The following TMEM217B variants were observed in gnomAD, a reference collection of about 807,000 sequenced individuals.
TMEM217B encodes putative transmembrane protein 217B.
chr6:37,216,239 C>T, the TMEM217B span, among the ~76,000 whole-genome samples: 17 of 152,080 alleles, frequency 1.1e-4, no homozygotes, highest in African/African-American at 2.2e-4. Flanking sequence ...CCACTATACC[C>T]GCCTAATTTT....
At chr6:37,224,090 C>CCAT in the TMEM217B span, among the ~76,000 whole-genome samples, 4 of 151,730 alleles carry the variant, frequency 2.6e-5, no homozygotes, top group Non-Finnish European at 5.9e-5. Flanking sequence ...GCGCCCACCA[C>CCAT]CATGCCTGGC....
the TMEM217B span, among the ~76,000 whole-genome samples, chr6:37,245,679 TAAGG>T: frequency 7.3e-5 from 11 of 151,192 alleles, no homozygotes; most frequent in Non-Finnish European, 2.9e-5. Flanking sequence ...ACAGTGACAA[TAAGG>T]AAGAGGAGGA....
chr6:37,218,782 C>G, the TMEM217B span: 1 of 1,614,094 alleles, frequency 6.2e-7, no homozygotes, highest in Non-Finnish European at 8.5e-7. Flanking sequence ...ACACTGAGTA[C>G]AGGAGGAAGC....
At chr6:37,256,413 T>A in the TMEM217B span, among the ~76,000 whole-genome samples, 1 of 152,334 alleles carries the variant, frequency 6.6e-6, no homozygotes, top group Non-Finnish European at 1.5e-5. Context: ...TGTGCAGTGC[T>A]GGTCACTGCA....
the TMEM217B span, chr6:37,218,554 C>T: frequency 6.2e-6 from 10 of 1,614,134 alleles, no homozygotes; most frequent in South Asian, 8.8e-5. Context: ...TTATATTGCC[C>T]TGGCTCCGGT....
chr6:37,252,274 A>G, the TMEM217B span, among the ~76,000 whole-genome samples: 2 of 152,190 alleles, frequency 1.3e-5, no homozygotes, highest in African/African-American at 2.4e-5. Flanking sequence ...TCAAATTTCA[A>G]TGTGGATAAA....
At chr6:37,220,433 G>A in the TMEM217B span, among the ~76,000 whole-genome samples, 1 of 152,132 alleles carries the variant, frequency 6.6e-6, no homozygotes, top group Non-Finnish European at 1.5e-5. Context: ...TGAATCAGAA[G>A]TAAACCTCCC....
At chr6:37,218,070 A>G in the TMEM217B span, 4 of 1,005,622 alleles carry the variant, frequency 4.0e-6, no homozygotes, top group South Asian at 4.4e-5. Context: ...GTGGGGGGAA[A>G]AAAGGAAATA....
At chr6:37,220,916 T>C in the TMEM217B span, among the ~76,000 whole-genome samples, 5 of 152,090 alleles carry the variant, frequency 3.3e-5, no homozygotes, top group Admixed American at 6.5e-5. Flanking sequence ...TATTATAGTA[T>C]AATTCATGCA....
At chr6:37,253,347 G>A in the TMEM217B span, among the ~76,000 whole-genome samples, 1 of 152,114 alleles carries the variant, frequency 6.6e-6, no homozygotes, top group Admixed American at 6.5e-5. Flanking sequence ...TTCTTGCCAG[G>A]TATGGTGACT....
chr6:37,224,873 A>C, the TMEM217B span, among the ~76,000 whole-genome samples: 7 of 151,988 alleles, frequency 4.6e-5, no homozygotes, highest in Admixed American at 4.6e-4. Flanking sequence ...ATGTGAATAA[A>C]ACTTTATTAT....
the TMEM217B span, among the ~76,000 whole-genome samples, chr6:37,237,087 A>T: frequency 3.3e-4 from 50 of 152,284 alleles, no homozygotes; most frequent in African/African-American, 1.2e-3. Context: ...TCCCATAGCA[A>T]CACGTTTCCT....
chr6:37,218,914 A>G, the TMEM217B span: 1 of 1,614,132 alleles, frequency 6.2e-7, no homozygotes, highest in East Asian at 2.2e-5. Context: ...TGCAACTGCC[A>G]TTCCCTAGGT....
At chr6:37,226,589 G>A in the TMEM217B span, among the ~76,000 whole-genome samples, 38 of 146,392 alleles carry the variant, frequency 2.6e-4, no homozygotes, top group Middle Eastern at 4.3e-3. Context: ...GAGCCACTGC[G>A]CCCGGCCGAG....
chr6:37,256,450 A>G, the TMEM217B span, among the ~76,000 whole-genome samples: 1 of 152,212 alleles, frequency 6.6e-6, no homozygotes, highest in African/African-American at 2.4e-5. Flanking sequence ...CGCCAGAGAA[A>G]GGCAAGTAAA....
the TMEM217B span, among the ~76,000 whole-genome samples, chr6:37,222,764 C>T: frequency 6.6e-6 from 1 of 152,210 alleles, no homozygotes; most frequent in Non-Finnish European, 1.5e-5. Context: ...GGGTCTACGG[C>T]TTTGGTTTGG....
chr6:37,236,654 C>T, the TMEM217B span, among the ~76,000 whole-genome samples: 1 of 91,874 alleles, frequency 1.1e-5, no homozygotes, highest in African/African-American at 4.7e-5. Flanking sequence ...ATTGGATGTG[C>T]CAGTACTATT....
At chr6:37,257,989 T>C in the TMEM217B span, 2 of 1,613,688 alleles carry the variant, frequency 1.2e-6, no homozygotes, top group South Asian at 1.1e-5. Context: ...CCCAGGACGC[T>C]GAGAGGGATA....
At chr6:37,222,579 C>G in the TMEM217B span, among the ~76,000 whole-genome samples, 1 of 152,192 alleles carries the variant, frequency 6.6e-6, no homozygotes, top group East Asian at 1.9e-4. Flanking sequence ...AGTGGGAGGC[C>G]CAGGTCTGCA....
Sources: gnomAD v4.1 joint callset for allele counts (sites outside exome capture counted in the v4.1 genomes callset) on GRCh38, gnomAD v4.1.1 for gene constraint, MANE v1.5 for transcripts, NCBI Gene and HGNC (gene_info 2026-07-23, HGNC 2026-07-21) for gene names.